PLEKHA7: variants seen among roughly 807,000 people sequenced by gnomAD.
PLEKHA7 encodes pleckstrin homology domain containing A7.
PLEKHA7 carries 104 observed loss-of-function variants against 170.0 expected under a neutral mutation model. The observed-to-expected ratio is 0.61, with a 90% CI of 0.52 to 0.72. The LOEUF (loss-of-function observed/expected upper bound fraction) is 0.72, where lower values mean the gene tolerates loss of function less well. PLEKHA7 is among the 30% of genes least tolerant of loss of function. The pLI is 0.00. For missense variants in PLEKHA7, 1,615 were observed against 1,671.7 expected, an observed-to-expected ratio of 0.97 and a Z score of 0.59; for synonymous variants, 648 against 660.8, an observed-to-expected ratio of 0.98 and a Z score of 0.30.
chr11:16,907,351 T>C (rs1469016838), intron 3 of PLEKHA7, among the ~76,000 whole-genome samples: 2 of 122,490 alleles, frequency 1.6e-5, no homozygotes, highest in African/African-American at 3.1e-5. Context: ...GAGGAGCCCC[T>C]CTGCCCGGCC....
intron 3 of PLEKHA7, among the ~76,000 whole-genome samples, chr11:16,950,265 G>A (rs57046173): frequency 0.017 from 2,606 of 152,162 alleles, 88 homozygotes; most frequent in African/African-American, 0.06. Flanking sequence ...ATATCATTAC[G>A]GGTGAAGTCT....
At chr11:17,004,654 A>G (rs2137070888) in intron 3 of PLEKHA7, among the ~76,000 whole-genome samples, 2 of 152,176 alleles carry the variant, frequency 1.3e-5, no homozygotes, top group East Asian at 1.9e-4. Context: ...CGGCCTCCCA[A>G]AGTGCTGGGA....
At chr11:16,819,387 C>T (rs1342834496) in intron 10 of PLEKHA7, among the ~76,000 whole-genome samples, 18 of 152,294 alleles carry the variant, frequency 1.2e-4, no homozygotes, top group African/African-American at 3.9e-4. Context: ...CATGAGCCAC[C>T]GCACCCAGCC....
chr11:16,916,493 A>T lies in PLEKHA7; in HGVS notation c.222-45311T>A, dbSNP rs149778801. Among the ~76,000 whole-genome samples, 17 of 152,328 alleles carry T rather than the reference A, an allele frequency of 1.1e-4. No individual in the cohort carries two copies. The East Asian group carries it at 3.3e-3, about 29-fold the overall frequency. On this transcript the variant is annotated intron_variant, in intron 3 of 26. Transcript: ENST00000531066. ...AACTTAAGTCTCATTTCCCTCAATC[A>T]TAGGATGAGGAAAACAGTCCCTACC...
chr11:16,898,680 G>A (rs1376180486), intron 3 of PLEKHA7, among the ~76,000 whole-genome samples: 2 of 152,032 alleles, frequency 1.3e-5, no homozygotes, highest in African/African-American at 2.4e-5. Context: ...ACACTTCCTA[G>A]GAAGTGTTTC....
intron 3 of PLEKHA7, among the ~76,000 whole-genome samples, chr11:17,000,299 G>T (rs1218947878): frequency 5.9e-5 from 9 of 151,940 alleles, no homozygotes; most frequent in Non-Finnish European, 2.9e-5. Flanking sequence ...TCACCATATT[G>T]GCCAGGCTGG....
chr11:17,000,330 G>A (rs776682653), intron 3 of PLEKHA7, among the ~76,000 whole-genome samples: 1 of 152,182 alleles, frequency 6.6e-6, no homozygotes, highest in Admixed American at 6.5e-5. Context: ...TTGACCTCAA[G>A]TGATCCACCT....
chr11:16,922,644 C>T (rs921030066), intron 3 of PLEKHA7, among the ~76,000 whole-genome samples: 1 of 152,136 alleles, frequency 6.6e-6, no homozygotes, highest in East Asian at 1.9e-4. Context: ...GTCTATTTCT[C>T]CTCCCGATCT....
At chr11:16,994,788 C>T (rs1864246003) in intron 3 of PLEKHA7, among the ~76,000 whole-genome samples, 1 of 152,170 alleles carries the variant, frequency 6.6e-6, no homozygotes, top group African/African-American at 2.4e-5. Flanking sequence ...CAACCCCAAG[C>T]CTCCCCTGGC....
chr11:16,824,588 A>G (rs1850489902), intron 10 of PLEKHA7, among the ~76,000 whole-genome samples: 1 of 152,202 alleles, frequency 6.6e-6, no homozygotes, highest in African/African-American at 2.4e-5. Context: ...GAATTCACTT[A>G]CGAGTGTCGC....
intron 3 of PLEKHA7, among the ~76,000 whole-genome samples, chr11:17,009,741 T>A (rs1489037815): frequency 4.6e-5 from 7 of 152,014 alleles, no homozygotes; most frequent in African/African-American, 1.7e-4. Context: ...GCTCAAGCAA[T>A]CCTCACACTT....
intron 7 of PLEKHA7, among the ~76,000 whole-genome samples, 156 bp downstream of exon 7, chr11:16,852,127 T>C (rs867559889): frequency 1.2e-4 from 19 of 152,226 alleles, no homozygotes; most frequent in Middle Eastern, 3.2e-3. Flanking sequence ...TGACTCTGAA[T>C]CCTGAGACCC....
At chr11:16,926,342 G>A (rs1859541124) in intron 3 of PLEKHA7, among the ~76,000 whole-genome samples, 1 of 152,072 alleles carries the variant, frequency 6.6e-6, no homozygotes, top group Non-Finnish European at 1.5e-5. Context: ...CACTCTCCTG[G>A]TCCTGCAGGC....
At chr11:16,850,921 G>C (rs1001868426) in intron 8 of PLEKHA7, among the ~76,000 whole-genome samples, 1 of 152,132 alleles carries the variant, frequency 6.6e-6, no homozygotes, top group Non-Finnish European at 1.5e-5. Flanking sequence ...GCTCAAGAAG[G>C]GCTTCGACAG....
At chr11:16,863,652 G>A (rs1854155245) in intron 4 of PLEKHA7, among the ~76,000 whole-genome samples, 1 of 152,118 alleles carries the variant, frequency 6.6e-6, no homozygotes, top group African/African-American at 2.4e-5. Flanking sequence ...TCTTCCCCGA[G>A]AGCTGCAGAG....
In PLEKHA7 at chr11:16,813,154, A is replaced by G; in HGVS notation, c.1966T>C (p.Tyr656His). The G allele has an allele frequency of 6.2e-7, 1 of 1,613,560 alleles. No homozygotes were observed. The highest frequency in any genetic ancestry group is 8.5e-7 in the Non-Finnish European group (1 of 1,179,492). The change falls in exon 13 of 27, where the codon TAC (tyrosine) becomes CAC (histidine). Residue 656 changes from tyrosine to histidine, a missense_variant. Tyr to His is a moderately conservative substitution (Grantham distance 83, BLOSUM62 2). Transcript: ENST00000531066. ...SLHGKSADDT[Y>H]LQLKKDLEYL... ...TCCAGGTCTTTCTTCAGCTGGAGGT[A>G]GGTATCATCAGCCTTCAAATGAAGC...
chr11:16,923,669 G>A (rs988553683), intron 3 of PLEKHA7, among the ~76,000 whole-genome samples: 3 of 152,074 alleles, frequency 2.0e-5, no homozygotes, highest in African/African-American at 7.2e-5. Flanking sequence ...GCACCTCTCT[G>A]ATACACAGCC....
intron 3 of PLEKHA7, among the ~76,000 whole-genome samples, chr11:16,977,537 A>G (rs1863145948): frequency 6.6e-6 from 1 of 152,210 alleles, no homozygotes; most frequent in Non-Finnish European, 1.5e-5. Context: ...CCAAATGGTT[A>G]AATAGACAAG....
intron 4 of PLEKHA7, among the ~76,000 whole-genome samples, chr11:16,867,031 G>A (rs1854451218): frequency 6.6e-6 from 1 of 151,862 alleles, no homozygotes; most frequent in Admixed American, 6.6e-5. Context: ...AAGATTATGT[G>A]ACTAAAATCT....
Sources: allele counts gnomAD v4.1 joint callset (sites outside exome capture counted in the v4.1 genomes callset), GRCh38; gene constraint gnomAD v4.1.1; transcripts MANE v1.5; gene names NCBI Gene and HGNC (gene_info 2026-07-23, HGNC 2026-07-21).